The following P2RY8 variants were observed in gnomAD, a reference collection of about 807,000 sequenced individuals.
P2RY8 encodes the protein P2Y receptor family member 8, also known as S-geranylgeranyl-glutathione receptor P2RY8.
In P2RY8, 6 loss-of-function variants were observed where a neutral mutation model predicts 10.0. The ratio of observed to expected loss-of-function variants is 0.60; its 90% CI spans 0.33 to 1.19. The LOEUF (loss-of-function observed/expected upper bound fraction) is 1.19. Ranked by LOEUF, P2RY8 falls within the 50% of genes most tolerant of loss-of-function variation. P2RY8 has a pLI of 0.04. For missense variants in P2RY8, 456 were observed against 542.0 expected (o/e 0.84, Z 1.58); for synonymous variants, 276 against 252.5 (o/e 1.09, Z -0.88).
At chrX:1,481,115 C>A (rs2091930070) in intron 1 of P2RY8, among the ~76,000 whole-genome samples, 1 of 151,860 alleles carries the variant, frequency 6.6e-6, no homozygotes, top group African/African-American at 2.4e-5. Context: ...ATGCTGGTCA[C>A]AAGAAGACGG....
At chrX:1,516,602 C>A (rs2092352264) in intron 1 of P2RY8, among the ~76,000 whole-genome samples, 1 of 148,030 alleles carries the variant, frequency 6.8e-6, no homozygotes, top group Admixed American at 6.7e-5. Flanking sequence ...TCTCCAAGTC[C>A]AGGAGAGAGG....
intron 1 of P2RY8, among the ~76,000 whole-genome samples, chrX:1,475,288 T>C (rs1295786860): frequency 7.2e-6 from 1 of 139,800 alleles, no homozygotes; most frequent in African/African-American, 2.6e-5. Flanking sequence ...GGTAGATGGG[T>C]GGGTGGGTAG....
intron 1 of P2RY8, among the ~76,000 whole-genome samples, chrX:1,489,228 C>T (rs1387649269): frequency 6.6e-6 from 1 of 150,948 alleles, no homozygotes; most frequent in African/African-American, 2.4e-5. Context: ...ATAAATGATA[C>T]CCAGAGATTC....
chrX:1,513,707 C>G (rs1400758094), intron 1 of P2RY8, among the ~76,000 whole-genome samples: 1 of 150,930 alleles, frequency 6.6e-6, no homozygotes, highest in African/African-American at 2.4e-5. Context: ...TTTCTGGTGG[C>G]CACTATTCAA....
At chrX:1,524,269 C>T (rs182309714) in intron 1 of P2RY8, among the ~76,000 whole-genome samples, 2 of 152,200 alleles carry the variant, frequency 1.3e-5, no homozygotes, top group African/African-American at 4.8e-5. Flanking sequence ...TTACCCCCCT[C>T]TCTTCTGCGG....
intron 1 of P2RY8, among the ~76,000 whole-genome samples, chrX:1,491,896 C>T (rs2092055905): frequency 6.6e-6 from 1 of 150,960 alleles, no homozygotes; most frequent in South Asian, 2.1e-4. Context: ...TGAATGAATG[C>T]ATGAATGAAT....
Position 1,535,687 on chromosome X carries a change from AAAC to A in P2RY8, c.-25+1231_-25+1233del, listed in dbSNP as rs1350314706. ...TACGTAAAGATAACAACATGGGAAG[AAAC>A]AACCACACACACACACACACACACA... On this transcript the variant is annotated intron_variant, in intron 1 of 1. Coordinates refer to ENST00000381297, the MANE Select transcript of P2RY8 (RefSeq NM_178129.5). Among the ~76,000 whole-genome samples, 3 of 140,108 alleles carry A rather than the reference AAAC, an allele frequency of 2.1e-5. No individual in the cohort carries two copies. The East Asian group carries it at 6.3e-4, about 29-fold the overall frequency. 91.9% of individuals were successfully genotyped at this position (140,108 alleles called of 152,430 possible). A position where few individuals can be genotyped will look rare whatever the true frequency, so the allele number is the denominator to read the frequency against.
chrX:1,505,813 C>CA (rs1395402169), intron 1 of P2RY8, among the ~76,000 whole-genome samples: 1 of 151,574 alleles, frequency 6.6e-6, no homozygotes, highest in Non-Finnish European at 1.5e-5. Flanking sequence ...CAATAAAACA[C>CA]AAAAAACAAA....
intron 1 of P2RY8, among the ~76,000 whole-genome samples, chrX:1,469,882 A>G (rs1307369715): frequency 1.3e-5 from 2 of 152,102 alleles, no homozygotes; most frequent in East Asian, 1.9e-4. Context: ...CAGCCTGGGC[A>G]ACAGAGCGAG....
In P2RY8 at chrX:1,465,233, C is replaced by G. The variant is rs1471324731; in HGVS notation, c.*246G>C. On this transcript the variant is annotated 3_prime_UTR_variant, in exon 2 of 2. Coordinates refer to ENST00000381297, the MANE Select transcript of P2RY8 (RefSeq NM_178129.5). ...GGCAGAGGCACCCTCTGCAGGATAA[C>G]AAGCACCCTGTGCGCTGCTGGGCTT... The G allele has an allele frequency of 1.7e-5, 10 of 596,946 alleles. No homozygotes were observed. The highest frequency in any genetic ancestry group is 1.7e-4 in the African/African-American group (9 of 53,822). 37.0% of individuals were successfully genotyped at this position (596,946 alleles called of 1,614,324 possible).
rs1411465600 is a variant in P2RY8, at chrX:1,492,714, T to C, written c.-24-26132A>G. On this transcript the variant is annotated intron_variant, in intron 1 of 1. Coordinates refer to ENST00000381297, the MANE Select transcript of P2RY8 (RefSeq NM_178129.5). ...TAGAAGACAGTTATGCCTCAAGCAC[T>C]AGGGGTAGGCAGGTTGGGCTCCCAG... 3.9e-5 allele frequency among the ~76,000 whole-genome samples: 6 copies of C among 152,144 alleles called. No individual in the cohort carries two copies. In the East Asian group the frequency reaches 1.2e-3, roughly 29 times the overall value.
chrX:1,536,520 C>T (rs2092528560), intron 1 of P2RY8, among the ~76,000 whole-genome samples: 1 of 151,010 alleles, frequency 6.6e-6, no homozygotes, highest in Admixed American at 6.6e-5. Flanking sequence ...CCTCGGTCCC[C>T]CAAAGTGCTG....
In P2RY8 at chrX:1,536,788, C is replaced by T. The variant is rs1242138314; in HGVS notation, c.-25+133G>A. The T allele has an allele frequency of 4.2e-5, 8 of 192,282 alleles. No homozygotes were observed. The East Asian group carries it at 6.5e-4, about 16-fold the overall frequency. 11.9% of individuals were successfully genotyped at this position (192,282 alleles called of 1,614,324 possible). A position where few individuals can be genotyped will look rare whatever the true frequency, so the allele number is the denominator to read the frequency against. ...AATTTGCACTCCTGGTCTGCTCTAG[C>T]GTGAGGAGAACACGCCTCATGGAGT... On this transcript the variant is annotated intron_variant, in intron 1 of 1. Coordinates refer to ENST00000381297, the MANE Select transcript of P2RY8 (RefSeq NM_178129.5).
At chrX:1,509,971 A>ATCCC (rs1472219876) in intron 1 of P2RY8, among the ~76,000 whole-genome samples, 1 of 68,250 alleles carries the variant, frequency 1.5e-5, no homozygotes, top group Non-Finnish European at 3.5e-5. Context: ...CTATGCATCC[A>ATCCC]TCCATCCATC....
At chrX:1,523,114 TA>T (rs1197780737) in intron 1 of P2RY8, among the ~76,000 whole-genome samples, 29 of 147,586 alleles carry the variant, frequency 2.0e-4, no homozygotes, top group African/African-American at 7.3e-4. Flanking sequence ...AATAAATAAA[TA>T]AATAAAACAA....
rs1390114012 is a variant in P2RY8 at position 1,464,320 on chromosome X, AAGAC to A, written c.*1155_*1158del. 8 of 233,466 alleles carry A rather than the reference AAGAC, an allele frequency of 3.4e-5. No homozygotes were observed. The East Asian group carries it at 3.6e-4, about 11-fold the overall frequency. 14.5% of individuals were successfully genotyped at this position (233,466 alleles called of 1,614,324 possible). Reference sequence around the variant, plus strand: ...GGTGCAGGCACATGCCGTGTAGAAGAAGACAGACAAAGACCCAGCCTGCTCACCA... The same window carrying A: ...GGTGCAGGCACATGCCGTGTAGAAGAAGACAAAGACCCAGCCTGCTCACCA... On this transcript the variant is annotated 3_prime_UTR_variant, in exon 2 of 2. Coordinates refer to ENST00000381297, the MANE Select transcript of P2RY8 (RefSeq NM_178129.5).
At chrX:1,479,381 C>T (rs2091911211) in intron 1 of P2RY8, among the ~76,000 whole-genome samples, 1 of 152,262 alleles carries the variant, frequency 6.6e-6, no homozygotes, top group Non-Finnish European at 1.5e-5. Flanking sequence ...ACACACTCCT[C>T]TGTAAGTATT....
chrX:1,519,577 C>T (rs1194698434), intron 1 of P2RY8, among the ~76,000 whole-genome samples: 2 of 151,682 alleles, frequency 1.3e-5, no homozygotes, highest in African/African-American at 2.4e-5. Context: ...CCAATATTCT[C>T]TCCAATTTCT....
chrX:1,519,934 A>G (rs1247678193), intron 1 of P2RY8, among the ~76,000 whole-genome samples: 2 of 149,926 alleles, frequency 1.3e-5, no homozygotes, highest in Non-Finnish European at 3.0e-5. Context: ...GTCCCCAATC[A>G]TCTCTCTGGT....
Sources: gnomAD v4.1 joint callset for allele counts (sites outside exome capture counted in the v4.1 genomes callset) on GRCh38, gnomAD v4.1.1 for gene constraint, MANE v1.5 for transcripts, NCBI Gene and HGNC (gene_info 2026-07-23, HGNC 2026-07-21) for gene names.